Variants in TENM3 observed in about 807,000 individuals in gnomAD.
The protein encoded by TENM3 is teneurin transmembrane protein 3.
Under a neutral mutation model 255.1 loss-of-function variants are expected in TENM3, and 63 were observed. The ratio of observed to expected loss-of-function variants is 0.25; its 90% CI spans 0.20 to 0.30. The LOEUF (loss-of-function observed/expected upper bound fraction) is 0.30. Ranked by LOEUF, TENM3 falls within the 10% of genes least tolerant of loss-of-function variation. The pLI is 1.00. For missense variants in TENM3, 2,929 were observed against 3,461.1 expected (o/e 0.85, Z 3.86); for synonymous variants, 1,306 against 1,322.3 (o/e 0.99, Z 0.27).
At chr4:181,865,708 G>A in the TENM3 span, among the ~76,000 whole-genome samples, 1 of 152,138 alleles carries the variant, frequency 6.6e-6, no homozygotes, top group Non-Finnish European at 1.5e-5. Context: ...TTTCATCATA[G>A]ACACTTTTTC....
chr4:182,115,135 C>T, the TENM3 span, among the ~76,000 whole-genome samples: 29 of 152,288 alleles, frequency 1.9e-4, 2 homozygotes, highest in Admixed American at 9.8e-4. Context: ...GAGCCAAGAT[C>T]ATGCCCCTGC....
chr4:182,492,598 C>T (rs1177175288), intron 3 of TENM3, among the ~76,000 whole-genome samples: 4 of 152,098 alleles, frequency 2.6e-5, no homozygotes, highest in African/African-American at 9.7e-5. Context: ...AAGCCTGAAA[C>T]CCTGCTATTT....
At chr4:181,970,846 T>C in the TENM3 span, among the ~76,000 whole-genome samples, 1 of 152,342 alleles carries the variant, frequency 6.6e-6, no homozygotes, top group African/African-American at 2.4e-5. Context: ...ATAAATGATA[T>C]TTTTGTGAGC....
At chr4:182,105,876 T>A in the TENM3 span, among the ~76,000 whole-genome samples, 1 of 152,216 alleles carries the variant, frequency 6.6e-6, no homozygotes, top group African/African-American at 2.4e-5. Flanking sequence ...ACTTAATAGG[T>A]ACAGTGTATG....
chr4:181,855,378 T>C, the TENM3 span, among the ~76,000 whole-genome samples: 1 of 152,204 alleles, frequency 6.6e-6, no homozygotes, highest in African/African-American at 2.4e-5. Context: ...TGTACTTCTC[T>C]AAACTTATAT....
chr4:181,594,894 C>T, the TENM3 span, among the ~76,000 whole-genome samples: 16 of 152,316 alleles, frequency 1.1e-4, no homozygotes, highest in Middle Eastern at 3.4e-3. Context: ...TAACACCCTC[C>T]AAGTTGCTTG....
chr4:181,819,981 A>C, the TENM3 span: 1 of 150,688 alleles, frequency 6.6e-6, no homozygotes, highest in Admixed American at 6.7e-5. Flanking sequence ...TATGAGTAGT[A>C]ATACTAAAAA....
rs780584913 is a variant in TENM3 at position 182,754,843 on chromosome 4, T to C, written c.4476T>C (p.Asn1492=). 4 of 1,614,054 alleles carry C rather than the reference T, an allele frequency of 2.5e-6. No homozygotes were observed. The highest frequency in any genetic ancestry group is 2.5e-6 in the Non-Finnish European group (3 of 1,179,896). ...CACTGTATATTGCAGATCTAGGGAA[T>C]ATCCGGATCCGGGCTGTGTCAAAGA... The part of the protein sequence containing the change: ...DGTLYIADLG[N]IRIRAVSKNK... Residue 1492 remains asparagine, a synonymous_variant, in exon 22 of 28, where the codon AAT becomes AAC. Transcript: ENST00000511685. The surrounding 1 kb of genome is among the most constrained non-coding windows in gnomAD (Gnocchi z 5.1).
the TENM3 span, among the ~76,000 whole-genome samples, chr4:181,528,020 G>T: frequency 6.6e-6 from 1 of 151,692 alleles, no homozygotes; most frequent in Admixed American, 6.6e-5. Context: ...TAAAAGGGGG[G>T]GTTAAAGGAG....
chr4:181,937,101 G>A, the TENM3 span, among the ~76,000 whole-genome samples: 1 of 152,190 alleles, frequency 6.6e-6, no homozygotes, highest in Non-Finnish European at 1.5e-5. Flanking sequence ...GTGGCCCTGG[G>A]CAAAGCAGGT....
chr4:181,562,084 G>A, the TENM3 span, among the ~76,000 whole-genome samples: 1 of 152,084 alleles, frequency 6.6e-6, no homozygotes, highest in African/African-American at 2.4e-5. Flanking sequence ...AGTACTTTAT[G>A]TTGTGTATTA....
At chr4:181,878,293 T>C in the TENM3 span, among the ~76,000 whole-genome samples, 1 of 144,712 alleles carries the variant, frequency 6.9e-6, no homozygotes, top group Non-Finnish European at 1.5e-5. Context: ...ATTAGGTTGA[T>C]AGAAAAATGG....
chr4:182,157,671 T>G (rs1047317266), intron 1 of TENM3, among the ~76,000 whole-genome samples: 2 of 152,172 alleles, frequency 1.3e-5, no homozygotes, highest in African/African-American at 4.8e-5. Context: ...GTTAAATAGA[T>G]AGTACCAACA....
intron 3 of TENM3, among the ~76,000 whole-genome samples, chr4:182,371,313 G>T (rs1015786918): frequency 1.3e-5 from 2 of 150,636 alleles, no homozygotes; most frequent in Non-Finnish European, 1.5e-5. Context: ...GCATCTTTTT[G>T]CCTTTTTAAT....
At chr4:181,892,864 G>T in the TENM3 span, among the ~76,000 whole-genome samples, 1 of 152,238 alleles carries the variant, frequency 6.6e-6, no homozygotes, top group Non-Finnish European at 1.5e-5. Context: ...AATTTATCAT[G>T]AATATATGAA....
the TENM3 span, among the ~76,000 whole-genome samples, chr4:181,650,226 C>G: frequency 6.6e-6 from 1 of 152,170 alleles, no homozygotes; most frequent in African/African-American, 2.4e-5. Context: ...CACCCAAGAC[C>G]TACATGAGTC....
the TENM3 span, among the ~76,000 whole-genome samples, chr4:181,713,204 C>T: frequency 3.9e-5 from 6 of 152,116 alleles, no homozygotes; most frequent in Non-Finnish European, 7.3e-5. Context: ...TGTCACTGCT[C>T]GAAGAGTCAC....
the TENM3 span, among the ~76,000 whole-genome samples, chr4:181,786,780 G>C: frequency 6.6e-6 from 1 of 152,032 alleles, no homozygotes; most frequent in African/African-American, 2.4e-5. Context: ...ACTTGGTGGG[G>C]GACAAGGCAA....
the TENM3 span, among the ~76,000 whole-genome samples, chr4:181,663,864 G>A: frequency 1.2e-4 from 19 of 152,246 alleles, no homozygotes; most frequent in East Asian, 1.9e-3. Flanking sequence ...CAATGCTGCC[G>A]TCATCCTCTG....
Sources: allele counts gnomAD v4.1 joint callset (sites outside exome capture counted in the v4.1 genomes callset), GRCh38; gene constraint gnomAD v4.1.1; non-coding constraint Gnocchi (gnomAD v3.1); transcripts MANE v1.5; gene names NCBI Gene and HGNC (gene_info 2026-07-23, HGNC 2026-07-21).